Variants in STX8 observed in about 807,000 individuals in gnomAD.
STX8 encodes syntaxin-8.
A neutral mutation model predicts 37.5 loss-of-function variants in STX8; 23 were observed. The observed-to-expected ratio is 0.61, with a 90% CI of 0.44 to 0.87. STX8 has a LOEUF of 0.87. Among genes scored for constraint, STX8 ranks in the 40% least tolerant of loss-of-function variants. The pLI, the probability that STX8 is intolerant of heterozygous loss-of-function variation, is 0.00. For synonymous variants in STX8, 115 were observed against 99.1 expected, an observed-to-expected ratio of 1.16 and a Z score of -0.95; for missense variants, 313 against 284.7, an observed-to-expected ratio of 1.10 and a Z score of -0.71.
chr17:9,546,590 G>GTTTTTT (rs745424722), intron 3 of STX8, among the ~76,000 whole-genome samples: 1,007 of 61,808 alleles, frequency 0.016, 55 homozygotes, highest in Middle Eastern at 0.031. Flanking sequence ...CTACAAAAGT[G>GTTTTTT]GTTTTTTTTT....
intron 3 of STX8, among the ~76,000 whole-genome samples, chr17:9,546,597 T>TTTG (rs1217594217): frequency 3.8e-4 from 47 of 123,378 alleles, no homozygotes; most frequent in East Asian, 7.0e-4. Context: ...AGTGGTTTTT[T>TTTG]TTTTTTTTTT....
At chr17:9,354,604 G>A (rs1356707719) in intron 7 of STX8, among the ~76,000 whole-genome samples, 2 of 151,228 alleles carry the variant, frequency 1.3e-5, no homozygotes, top group African/African-American at 4.9e-5. Context: ...ACAGGCAGGA[G>A]CCACCGTGCC....
intron 7 of STX8, among the ~76,000 whole-genome samples, chr17:9,360,769 GT>G (rs1911037178): frequency 6.6e-6 from 1 of 151,780 alleles, no homozygotes; most frequent in South Asian, 2.1e-4. Flanking sequence ...GTGAATCAAA[GT>G]GTCAAAGAAC....
Position 9,568,466 on chromosome 17 carries a change from A to C in STX8, c.22T>G (p.Ser8Ala), listed in dbSNP as rs780322172. The C allele has an allele frequency of 5.0e-6, 8 of 1,611,512 alleles. No homozygotes were observed. Among genetic ancestry groups the C allele is most frequent in the Non-Finnish European group, 5.9e-6 (7 of 1,179,256 alleles). The change falls in exon 2 of 8, where the codon TCC (serine) becomes GCC (alanine). Residue 8 changes from serine (S) to alanine (A), a missense_variant. Physicochemically the swap from Ser to Ala is moderately conservative, Grantham distance 99. Transcript: ENST00000306357. MAPDPWF[S>A]TYDSTCQIAQ... ...ATTTGACAAGTAGAATCGTATGTGG[A>C]GAACCTGCACCAAAGTCGTAAAAAG...
At chr17:9,508,405 C>A (rs891456598) in intron 4 of STX8, among the ~76,000 whole-genome samples, 1 of 152,202 alleles carries the variant, frequency 6.6e-6, no homozygotes, top group Non-Finnish European at 1.5e-5. Flanking sequence ...CAGCTCACTG[C>A]AACCTCCACC....
At chr17:9,313,308 A>T (rs1304877003) in intron 7 of STX8, among the ~76,000 whole-genome samples, 1 of 152,214 alleles carries the variant, frequency 6.6e-6, no homozygotes, top group Non-Finnish European at 1.5e-5. Context: ...TTCGTTGAAG[A>T]TGTCGACATC....
intron 7 of STX8, among the ~76,000 whole-genome samples, chr17:9,349,246 C>G (rs1017181923): frequency 8.6e-5 from 13 of 151,930 alleles, no homozygotes; most frequent in African/African-American, 3.1e-4. Context: ...CCTACCTCGG[C>G]CTGCTAAAGT....
At chr17:9,460,840 C>T (rs989155402) in intron 6 of STX8, among the ~76,000 whole-genome samples, 2 of 152,104 alleles carry the variant, frequency 1.3e-5, no homozygotes, top group South Asian at 2.1e-4. Context: ...GTGTGCCTTT[C>T]GCCAAGTTAC....
At chr17:9,474,867 G>A (rs986392394) in intron 6 of STX8, among the ~76,000 whole-genome samples, 7 of 152,168 alleles carry the variant, frequency 4.6e-5, no homozygotes, top group African/African-American at 1.7e-4. Context: ...AGCTACTCGG[G>A]AGGCTGAGGC....
chr17:9,432,550 C>T (rs1345761021), intron 6 of STX8, among the ~76,000 whole-genome samples: 3 of 152,110 alleles, frequency 2.0e-5, no homozygotes, highest in African/African-American at 7.2e-5. Flanking sequence ...AAAGTATTAG[C>T]CACTAAAATA....
intron 7 of STX8, among the ~76,000 whole-genome samples, chr17:9,284,492 A>G (rs566974489): frequency 1.2e-4 from 19 of 152,376 alleles, no homozygotes; most frequent in South Asian, 4.1e-4. Flanking sequence ...GGAGATACGG[A>G]GATAAACAAT....
chr17:9,528,629 C>G (rs1022275956), intron 4 of STX8, among the ~76,000 whole-genome samples: 1 of 152,066 alleles, frequency 6.6e-6, no homozygotes, highest in African/African-American at 2.4e-5. Context: ...TTATAATGTG[C>G]ATGTATCATG....
chr17:9,303,488 T>C (rs1908859189), intron 7 of STX8, among the ~76,000 whole-genome samples: 1 of 152,156 alleles, frequency 6.6e-6, no homozygotes, highest in Non-Finnish European at 1.5e-5. Context: ...TACACAAAAG[T>C]ATTAACACTG....
At chr17:9,273,606 T>C (rs571553851) in intron 7 of STX8, among the ~76,000 whole-genome samples, 6 of 152,350 alleles carry the variant, frequency 3.9e-5, no homozygotes, top group African/African-American at 9.6e-5. Context: ...TCCCACATCC[T>C]TTCCTCATGG....
chr17:9,325,426 A>G (rs1458407387), intron 7 of STX8, among the ~76,000 whole-genome samples: 1 of 152,152 alleles, frequency 6.6e-6, no homozygotes, highest in Non-Finnish European at 1.5e-5. Flanking sequence ...CCATCTATGG[A>G]CTTGTGGCCC....
At chr17:9,372,310 T>G (rs1246805111) in intron 7 of STX8, among the ~76,000 whole-genome samples, 1 of 152,116 alleles carries the variant, frequency 6.6e-6, no homozygotes, top group African/African-American at 2.4e-5. Flanking sequence ...ACTTTTACTC[T>G]GAGGGTGTAG....
intron 6 of STX8, among the ~76,000 whole-genome samples, chr17:9,404,714 A>G (rs573413524): frequency 7.2e-5 from 11 of 152,260 alleles, no homozygotes; most frequent in Non-Finnish European, 1.5e-4. Context: ...TGGCCTCCCA[A>G]AGTGCTGGGA....
intron 6 of STX8, among the ~76,000 whole-genome samples, chr17:9,434,665 A>T (rs1270803861): frequency 6.6e-6 from 1 of 152,240 alleles, no homozygotes; most frequent in Non-Finnish European, 1.5e-5. Flanking sequence ...TTCACCCAGG[A>T]AAGAATTCAA....
At chr17:9,501,277 G>A (rs1002980141) in intron 5 of STX8, among the ~76,000 whole-genome samples, 1 of 152,128 alleles carries the variant, frequency 6.6e-6, no homozygotes, top group African/African-American at 2.4e-5. Flanking sequence ...AAAAATAAAC[G>A]AAGCTGGATG....
Sources: allele counts gnomAD v4.1 joint callset (sites outside exome capture counted in the v4.1 genomes callset), GRCh38; gene constraint gnomAD v4.1.1; transcripts MANE v1.5; gene names NCBI Gene and HGNC (gene_info 2026-07-23, HGNC 2026-07-21).